The following PCDHAC2 variants were observed in gnomAD, a reference collection of about 807,000 sequenced individuals.
PCDHAC2 encodes protocadherin alpha subfamily C, 2.
PCDHAC2 carries 24 observed loss-of-function variants against 63.3 expected under a neutral mutation model. The ratio of observed to expected loss-of-function variants is 0.38; its 90% confidence interval spans 0.27 to 0.53. The LOEUF is 0.53. Among genes scored for constraint, PCDHAC2 ranks in the 20% least tolerant of loss-of-function variants. The pLI is 0.81. For missense variants in PCDHAC2, 1,181 were observed against 1,275.2 expected (o/e 0.93, Z 1.12); for synonymous variants, 569 against 529.4 (o/e 1.07, Z -1.03).
intron 3 of PCDHAC2, among the ~76,000 whole-genome samples, chr5:140,992,572 G>T (rs1441448703): frequency 2.0e-5 from 3 of 152,148 alleles, no homozygotes; most frequent in Non-Finnish European, 4.4e-5. Flanking sequence ...AACACATATT[G>T]CCTGCCTTGT....
rs73793550 is a variant in PCDHAC2 at position 140,989,564 on chromosome 5, C to T, written c.2713+7001C>T. On this transcript the variant is annotated intron_variant, in intron 3 of 3. Transcript: ENST00000289269. ...GTAATTCCTTTACGTTTTGTGGCTC[C>T]GGCAAGCCCTGTCCTCAGCCTCACT... is the stretch of plus-strand genomic sequence containing the variant. Among the ~76,000 whole-genome samples the T allele has an allele frequency of 6.0e-3, 907 of 152,216 alleles. 13 individuals carry two copies. Among genetic ancestry groups the T allele is most frequent in the African/African-American group, 0.021 (852 of 41,530 alleles).
Position 140,968,611 on chromosome 5 carries a change from G to A in PCDHAC2, c.1845G>A (p.Gly615=). Residue 615 remains glycine, a synonymous_variant, in exon 1 of 4, where the codon GGG becomes GGA. Coordinates refer to ENST00000289269, the MANE Select transcript of PCDHAC2 (RefSeq NM_018899.6). ...TKVIAMDSDS[G]QNAWLFYHLA... Reference sequence around the variant, plus strand: ...TCATAGCTATGGACTCAGACTCTGGGCAAAATGCTTGGCTTTTTTACCATC... The same window carrying A: ...TCATAGCTATGGACTCAGACTCTGGACAAAATGCTTGGCTTTTTTACCATC... 1 of 1,614,194 alleles carries A rather than the reference G, an allele frequency of 6.2e-7. No individual in the cohort carries two copies. Among genetic ancestry groups the A allele is most frequent in the African/African-American group, 1.3e-5 (1 of 75,052 alleles).
intron 3 of PCDHAC2, among the ~76,000 whole-genome samples, chr5:140,997,912 A>G (rs2097790316): frequency 6.6e-6 from 1 of 152,224 alleles, no homozygotes; most frequent in Admixed American, 6.5e-5. Flanking sequence ...GTAGAATTAC[A>G]GAATCATAGG....
Position 141,010,035 on chromosome 5 carries a change from G to A in PCDHAC2, c.*98G>A. 7 of 1,582,518 alleles carry A rather than the reference G, an allele frequency of 4.4e-6. No individual in the cohort carries two copies. The South Asian group carries it at 7.1e-5, about 16-fold the overall frequency. ...CTGCTCCTTTTTCCTATCTACATGAGCCCTCTTAGAGACCTCAGAAATCTG... is the reference window on the plus strand; with the variant it reads ...CTGCTCCTTTTTCCTATCTACATGAACCCTCTTAGAGACCTCAGAAATCTG... On this transcript the variant is annotated 3_prime_UTR_variant, in exon 4 of 4. Coordinates refer to ENST00000289269, the MANE Select transcript of PCDHAC2 (RefSeq NM_018899.6).
chr5:141,008,329 T>C (rs2098370202), intron 3 of PCDHAC2, among the ~76,000 whole-genome samples: 1 of 152,192 alleles, frequency 6.6e-6, no homozygotes, highest in Non-Finnish European at 1.5e-5. Context: ...AAACAGTTTA[T>C]TTGATGGAGC....
chr5:140,976,691 C>T (rs1219355793), intron 1 of PCDHAC2, among the ~76,000 whole-genome samples: 1 of 152,126 alleles, frequency 6.6e-6, no homozygotes, highest in Non-Finnish European at 1.5e-5. Context: ...AATTTAAGTA[C>T]AATAATGTTG....
Position 141,010,188 on chromosome 5 carries a change from T to A in PCDHAC2, c.*251T>A. ...CAGAACCTAAAAAGCAGACCCAAGT[T>A]TCCTTTCTCCTCCGCCGCAAAGGAG... is the stretch of plus-strand genomic sequence containing the variant. On this transcript the variant is annotated 3_prime_UTR_variant, in exon 4 of 4. Coordinates refer to ENST00000289269, the MANE Select transcript of PCDHAC2 (RefSeq NM_018899.6). 6.4e-7 allele frequency: 1 copy of A among 1,553,070 alleles called. No individual in the cohort carries two copies. The highest frequency in any genetic ancestry group is 1.2e-5 in the South Asian group (1 of 84,340).
intron 1 of PCDHAC2, among the ~76,000 whole-genome samples, chr5:140,975,626 G>A (rs1234889198): frequency 6.6e-6 from 1 of 152,156 alleles, no homozygotes; most frequent in African/African-American, 2.4e-5. Flanking sequence ...GATTTCCATG[G>A]TACGAAGATA....
rs978053855 is a variant in PCDHAC2 at position 141,009,492 on chromosome 5, A to T, written c.2714-135A>T. 4 of 1,478,558 alleles carry T rather than the reference A, an allele frequency of 2.7e-6. No individual in the cohort carries two copies. In the African/African-American group the frequency reaches 5.6e-5, roughly 21 times the overall value. The allele number at this position is 1,478,558 out of a possible 1,614,324, so 91.6% of individuals were successfully genotyped here. ...ATAAGTAAACACTTGCCTTGCCCTCAGACTTGAACAAACAACTCGTGATTT... is the reference window on the plus strand; with the variant it reads ...ATAAGTAAACACTTGCCTTGCCCTCTGACTTGAACAAACAACTCGTGATTT... On this transcript the variant is annotated intron_variant, in intron 3 of 3. Coordinates refer to ENST00000289269, the MANE Select transcript of PCDHAC2 (RefSeq NM_018899.6).
rs2098422397 is a variant in PCDHAC2 at position 141,011,934 on chromosome 5, T to C, written c.*1997T>C. The C allele has an allele frequency of 6.5e-6, 1 of 153,836 alleles. No homozygotes were observed. The highest frequency in any genetic ancestry group is 6.5e-5 in the Admixed American group (1 of 15,306). The allele number at this position is 153,836 out of a possible 1,614,324, so 9.5% of individuals were successfully genotyped here. On this transcript the variant is annotated 3_prime_UTR_variant, in exon 4 of 4. Transcript: ENST00000289269. ...TAATATAAAAGAGGTAGGAGTCTGT[T>C]ATTTAAAAAAAGCATTAAATTTAAA...
intron 3 of PCDHAC2, among the ~76,000 whole-genome samples, chr5:140,986,055 T>C (rs2097185833): frequency 6.6e-6 from 1 of 152,164 alleles, no homozygotes; most frequent in African/African-American, 2.4e-5. Context: ...ATGAATTCTT[T>C]TGCTTTTTAA....
intron 1 of PCDHAC2, among the ~76,000 whole-genome samples, chr5:140,975,776 A>G (rs1554237009): frequency 1.3e-5 from 2 of 152,152 alleles, no homozygotes; most frequent in African/African-American, 2.4e-5. Flanking sequence ...AGATAATACC[A>G]TTACAAGATA....
At chr5:141,007,759 T>C (rs1392582275) in intron 3 of PCDHAC2, among the ~76,000 whole-genome samples, 6 of 152,312 alleles carry the variant, frequency 3.9e-5, no homozygotes, top group Middle Eastern at 3.4e-3. Flanking sequence ...TGGACTCTTA[T>C]TGGCCTGGAA....
intron 3 of PCDHAC2, among the ~76,000 whole-genome samples, chr5:140,998,401 CA>C (rs2097811473): frequency 6.6e-6 from 1 of 152,108 alleles, no homozygotes; most frequent in African/African-American, 2.4e-5. Context: ...ATCTTTATGC[CA>C]AAGTTTATCT....
chr5:141,006,233 A>G (rs1311441986), intron 3 of PCDHAC2, among the ~76,000 whole-genome samples: 2 of 151,044 alleles, frequency 1.3e-5, no homozygotes, highest in African/African-American at 4.9e-5. Flanking sequence ...TTATTTTTAG[A>G]TGGAGTCTTG....
At chr5:140,993,777 G>A (rs1397168086) in intron 3 of PCDHAC2, among the ~76,000 whole-genome samples, 1 of 152,042 alleles carries the variant, frequency 6.6e-6, no homozygotes, top group Non-Finnish European at 1.5e-5. Flanking sequence ...GCAGTATTTT[G>A]TACAGTAACA....
chr5:140,985,929 CG>C (rs2097179106), intron 3 of PCDHAC2, among the ~76,000 whole-genome samples: 1 of 151,796 alleles, frequency 6.6e-6, no homozygotes, highest in Non-Finnish European at 1.5e-5. Flanking sequence ...TTAGTAGAGC[CG>C]GGGTTTCACT....
intron 1 of PCDHAC2, among the ~76,000 whole-genome samples, chr5:140,977,973 A>G (rs1336063493): frequency 4.6e-5 from 7 of 152,178 alleles, no homozygotes; most frequent in Admixed American, 3.9e-4. Flanking sequence ...TCCGCCCATG[A>G]AAACGCATCT....
intron 2 of PCDHAC2, among the ~76,000 whole-genome samples, chr5:140,979,323 T>C (rs2096844622): frequency 6.6e-6 from 1 of 152,180 alleles, no homozygotes; most frequent in Non-Finnish European, 1.5e-5. Context: ...TATGCTTTCT[T>C]TTCCTCCTTT....
Sources: gnomAD v4.1 joint callset for allele counts (sites outside exome capture counted in the v4.1 genomes callset) on GRCh38, gnomAD v4.1.1 for gene constraint, MANE v1.5 for transcripts, NCBI Gene and HGNC (gene_info 2026-07-23, HGNC 2026-07-21) for gene names.